Variants in LGSN observed in about 807,000 individuals in gnomAD.
LGSN encodes the protein lengsin.
In LGSN, 21 loss-of-function variants were observed where a neutral mutation model predicts 19.5. The ratio of observed to expected loss-of-function variants is 1.07; its 90% CI spans 0.76 to 1.55. The LOEUF is 1.55. LGSN is among the 40% of genes most tolerant of loss of function. The probability of loss-of-function intolerance (pLI) is 0.00; values close to 1 mark genes in which losing one functional copy is unlikely to be tolerated. For synonymous variants in LGSN, 257 were observed against 215.6 expected (o/e 1.19, Z -1.68); for missense variants, 673 against 608.5 (o/e 1.11, Z -1.12).
chr6:63,288,575 G>A (rs906267304), intron 2 of LGSN, among the ~76,000 whole-genome samples: 1 of 152,150 alleles, frequency 6.6e-6, no homozygotes, highest in Non-Finnish European at 1.5e-5. Context: ...CCTGTGACTG[G>A]ACAGTGAGTA....
the LGSN span, among the ~76,000 whole-genome samples, chr6:63,412,718 G>GGAAAGAAAGAAAGAAAGAAA: frequency 1.3e-4 from 7 of 54,748 alleles, no homozygotes; most frequent in Non-Finnish European, 1.8e-4. Flanking sequence ...AGGGAAGGAA[G>GGAAAGAAAGAAAGAAAGAAA]GAAAGAAAGA....
chr6:63,288,160 G>A (rs1767616025), intron 2 of LGSN, among the ~76,000 whole-genome samples: 3 of 151,744 alleles, frequency 2.0e-5, no homozygotes, highest in African/African-American at 7.3e-5. Flanking sequence ...GGAAGTTGCA[G>A]CTCCACCAAG....
At position 63,298,009 on chromosome 6, in the gene LGSN, C is replaced by T. The variant is rs1022105006; in HGVS notation, c.31-2964G>A. Among the ~76,000 whole-genome samples, 12 of 152,286 alleles carry T rather than the reference C, an allele frequency of 7.9e-5. No homozygotes were observed. In the East Asian group the frequency reaches 1.4e-3, roughly 17 times the overall value. On this transcript the variant is annotated intron_variant, in intron 1 of 3. Coordinates refer to ENST00000370657, the MANE Select transcript of LGSN (RefSeq NM_016571.3). ...TGTCCATAAATGTCATCTGACCATG[C>T]GACAGCCTAAGAGTCGCTCTGAACA...
the LGSN span, among the ~76,000 whole-genome samples, chr6:63,392,789 T>C: frequency 1.3e-5 from 2 of 152,024 alleles, no homozygotes; most frequent in African/African-American, 4.8e-5. Flanking sequence ...TTATTTTTCT[T>C]TCTAATGAAG....
the LGSN span, among the ~76,000 whole-genome samples, chr6:63,360,695 T>G: frequency 1.2e-4 from 18 of 152,248 alleles, no homozygotes; most frequent in Non-Finnish European, 2.5e-4. Context: ...CTATTGCTGG[T>G]GAGGAGCCGT....
chr6:63,342,524 T>C, the LGSN span, among the ~76,000 whole-genome samples: 3 of 152,226 alleles, frequency 2.0e-5, no homozygotes, highest in East Asian at 1.9e-4. Flanking sequence ...AGTTATACTT[T>C]ATGTCTATAA....
At chr6:63,362,292 G>A in the LGSN span, among the ~76,000 whole-genome samples, 1 of 152,230 alleles carries the variant, frequency 6.6e-6, no homozygotes, top group Non-Finnish European at 1.5e-5. Context: ...CTCCCAGTGT[G>A]AGCAACACAG....
At chr6:63,326,967 G>A in the LGSN span, among the ~76,000 whole-genome samples, 2,446 of 152,360 alleles carry the variant, frequency 0.016, 20 homozygotes, top group Non-Finnish European at 0.024. Context: ...CAGAGGAGGC[G>A]CCGAGAGCGA....
chr6:63,456,814 GA>G, the LGSN span, among the ~76,000 whole-genome samples: 1 of 152,240 alleles, frequency 6.6e-6, no homozygotes, highest in Non-Finnish European at 1.5e-5. Flanking sequence ...AGAAAGCAGA[GA>G]AGGGAAGAAA....
chr6:63,295,130 C>T (rs1326089937), intron 1 of LGSN, 85 bp from the exon 2 acceptor site: 3 of 1,297,060 alleles, frequency 2.3e-6, no homozygotes, highest in African/African-American at 3.0e-5. Flanking sequence ...ATTTGAATAG[C>T]TCAATTTTTT....
At chr6:63,489,793 G>A in the LGSN span, among the ~76,000 whole-genome samples, 2 of 152,242 alleles carry the variant, frequency 1.3e-5, no homozygotes, top group East Asian at 1.9e-4. Flanking sequence ...TGCAACCTCC[G>A]TCTCCTGGGT....
At chr6:63,375,535 G>A in the LGSN span, among the ~76,000 whole-genome samples, 2 of 152,052 alleles carry the variant, frequency 1.3e-5, no homozygotes, top group African/African-American at 4.8e-5. Flanking sequence ...GTTGATATAT[G>A]AAGCAAAATA....
chr6:63,315,925 CTT>C (rs1768832815), intron 1 of LGSN, among the ~76,000 whole-genome samples: 1 of 150,244 alleles, frequency 6.7e-6, no homozygotes, highest in African/African-American at 2.4e-5. Flanking sequence ...GTATCTCTAT[CTT>C]TTGAAGTAAA....
the LGSN span, among the ~76,000 whole-genome samples, chr6:63,473,505 A>G: frequency 1.4e-5 from 2 of 144,804 alleles, no homozygotes; most frequent in Non-Finnish European, 3.0e-5. Context: ...AAAAAAATCT[A>G]GCTCATGTTT....
chr6:63,492,930 T>C, the LGSN span, among the ~76,000 whole-genome samples: 1 of 152,222 alleles, frequency 6.6e-6, no homozygotes, highest in Non-Finnish European at 1.5e-5. Context: ...GAAAGAAATG[T>C]CATTTTTGCC....
the LGSN span, among the ~76,000 whole-genome samples, chr6:63,423,116 AT>A: frequency 6.6e-6 from 1 of 152,282 alleles, no homozygotes; most frequent in East Asian, 1.9e-4. Flanking sequence ...GGAGGTCAAG[AT>A]GGGAGGATTA....
intron 1 of LGSN, among the ~76,000 whole-genome samples, chr6:63,296,454 A>G (rs554426074): frequency 6.6e-6 from 1 of 151,320 alleles, no homozygotes; most frequent in African/African-American, 2.4e-5. Context: ...ATAGTCTATA[A>G]TTTTACTTTT....
the LGSN span, among the ~76,000 whole-genome samples, chr6:63,352,581 A>C: frequency 9.8e-4 from 149 of 151,654 alleles, 1 homozygote; most frequent in Non-Finnish European, 2.6e-4. Context: ...AGATTGCTTG[A>C]ACCTGGGACA....
chr6:63,471,728 T>C, the LGSN span, among the ~76,000 whole-genome samples: 1 of 151,958 alleles, frequency 6.6e-6, no homozygotes, highest in African/African-American at 2.4e-5. Context: ...TTTTACTACC[T>C]GCTATAGATT....
Sources: gnomAD v4.1 joint callset for allele counts (sites outside exome capture counted in the v4.1 genomes callset) on GRCh38, gnomAD v4.1.1 for gene constraint, MANE v1.5 for transcripts, NCBI Gene and HGNC (gene_info 2026-07-23, HGNC 2026-07-21) for gene names.